The following ACTR3C variants were observed in gnomAD, a reference collection of about 807,000 sequenced individuals.
The protein encoded by ACTR3C is actin related protein 3C, also known as actin-related protein 3C.
In ACTR3C, 18 loss-of-function variants were observed where a neutral mutation model predicts 26.3. The observed-to-expected ratio is 0.68, with a 90% CI of 0.47 to 1.01. ACTR3C has a LOEUF of 1.01. ACTR3C is among the 50% of genes least tolerant of loss of function. The pLI, the probability that ACTR3C is intolerant of heterozygous loss-of-function variation, is 0.00. For synonymous variants in ACTR3C, 55 were observed against 94.5 expected (o/e 0.58, Z 2.42); for missense variants, 184 against 250.7 (o/e 0.73, Z 1.80).
chr7:150,215,750 G>A, the ACTR3C span, among the ~76,000 whole-genome samples: 8,673 of 150,640 alleles, frequency 0.058, 329 homozygotes, highest in South Asian at 0.094. Flanking sequence ...GAGTTTTTTC[G>A]GACCTGGTGG....
chr7:149,980,550 C>A, the ACTR3C span, among the ~76,000 whole-genome samples: 1 of 152,144 alleles, frequency 6.6e-6, no homozygotes, highest in African/African-American at 2.4e-5. Flanking sequence ...GCAAAACAAG[C>A]TAAATTATAT....
the ACTR3C span, among the ~76,000 whole-genome samples, chr7:149,996,582 A>AAAATAAATAAATAAAT: frequency 1.4e-3 from 215 of 148,922 alleles, no homozygotes; most frequent in Middle Eastern, 3.4e-3. Context: ...TTCTGGTAAA[A>AAAATAAATAAATAAAT]AAATAAATAA....
the ACTR3C span, among the ~76,000 whole-genome samples, chr7:149,896,395 C>T: frequency 6.6e-6 from 1 of 152,244 alleles, no homozygotes; most frequent in Admixed American, 6.5e-5. Flanking sequence ...GCATATACCA[C>T]TACCTATCAG....
At chr7:150,228,031 T>C in the ACTR3C span, among the ~76,000 whole-genome samples, 1 of 152,194 alleles carries the variant, frequency 6.6e-6, no homozygotes, top group Non-Finnish European at 1.5e-5. Flanking sequence ...TTTGTTGATA[T>C]CTACAAAAGG....
the ACTR3C span, among the ~76,000 whole-genome samples, chr7:149,908,151 CAGAG>C: frequency 2.0e-5 from 3 of 152,142 alleles, no homozygotes; most frequent in Non-Finnish European, 2.9e-5. Flanking sequence ...TGGGAGGACA[CAGAG>C]AGAAGGCAGC....
chr7:150,322,364 G>C (rs927306557), intron 1 of ACTR3C, among the ~76,000 whole-genome samples: 2 of 152,246 alleles, frequency 1.3e-5, no homozygotes, highest in African/African-American at 2.4e-5. Flanking sequence ...GATAAAACAG[G>C]TTGCAGTAAA....
the ACTR3C span, among the ~76,000 whole-genome samples, chr7:150,100,270 C>T: frequency 3.3e-5 from 5 of 151,726 alleles, no homozygotes; most frequent in African/African-American, 1.2e-4. Flanking sequence ...ACTTAGGAGA[C>T]ATCAGTCAGT....
the ACTR3C span, among the ~76,000 whole-genome samples, chr7:149,982,860 T>C: frequency 6.7e-6 from 1 of 148,566 alleles, no homozygotes; most frequent in South Asian, 2.1e-4. Context: ...TTTTCTCATT[T>C]AGATGCCTTT....
rs1163538789 is a variant in ACTR3C at position 150,261,931 on chromosome 7, T to C, written c.565-12877A>G. On this transcript the variant is annotated intron_variant, in intron 6 of 7. Coordinates refer to ENST00000683684, the MANE Select transcript of ACTR3C (RefSeq NM_001164458.2). Reference sequence around the variant, plus strand: ...ACAGTCTGAAAGCTGGTGAGATAGATGTAGAGTTGCAAAATTTTCAATTTA... The same window carrying C: ...ACAGTCTGAAAGCTGGTGAGATAGACGTAGAGTTGCAAAATTTTCAATTTA... Among the ~76,000 whole-genome samples, 1,226 of 150,960 alleles carry C rather than the reference T, an allele frequency of 8.1e-3. 2 individuals carry two copies. The highest frequency in any genetic ancestry group is 0.028 in the African/African-American group (1,169 of 41,228).
chr7:150,236,926 T>G, the ACTR3C span, among the ~76,000 whole-genome samples: 11 of 151,308 alleles, frequency 7.3e-5, no homozygotes, highest in East Asian at 2.1e-3. Context: ...TTTCAATGCA[T>G]CTCATAAAGA....
At chr7:150,250,913 G>A (rs1364275494) in intron 6 of ACTR3C, among the ~76,000 whole-genome samples, 1 of 152,180 alleles carries the variant, frequency 6.6e-6, no homozygotes, top group African/African-American at 2.4e-5. Context: ...ACTATGTGGA[G>A]AGTGCTTAAA....
chr7:149,919,331 C>G, the ACTR3C span, among the ~76,000 whole-genome samples: 1 of 151,518 alleles, frequency 6.6e-6, no homozygotes, highest in African/African-American at 2.4e-5. Context: ...ACTGCCACCT[C>G]CCGGGTTCAA....
chr7:149,995,026 T>C, the ACTR3C span, among the ~76,000 whole-genome samples: 1 of 152,032 alleles, frequency 6.6e-6, no homozygotes, highest in Non-Finnish European at 1.5e-5. Flanking sequence ...AGCTAATTTT[T>C]GTATTTTTGG....
chr7:150,120,095 G>A, the ACTR3C span, among the ~76,000 whole-genome samples: 3 of 152,132 alleles, frequency 2.0e-5, no homozygotes, highest in Non-Finnish European at 4.4e-5. Flanking sequence ...GTGTTTAGAC[G>A]GACATTTATG....
chr7:149,954,816 AGT>A, the ACTR3C span, among the ~76,000 whole-genome samples: 1 of 152,224 alleles, frequency 6.6e-6, no homozygotes, highest in African/African-American at 2.4e-5. Flanking sequence ...ACTAATAGAA[AGT>A]GTATTCTGAA....
the ACTR3C span, among the ~76,000 whole-genome samples, chr7:150,229,786 A>G: frequency 6.1e-3 from 926 of 151,212 alleles, 12 homozygotes; most frequent in African/African-American, 0.021. Flanking sequence ...GTGAGCCACT[A>G]TGCCCAGCCT....
rs1236108743 is a variant in ACTR3C at position 150,313,751 on chromosome 7, GA to G, written c.-52+9717del. On this transcript the variant is annotated intron_variant, in intron 1 of 7. Transcript: ENST00000683684. ...TTTACATTAGCTAGAAAGAGGGAGA[GA>G]GGGGGAGAGAGAGTGTGTTATGGAT... Among the ~76,000 whole-genome samples, 5 of 152,116 alleles carry G rather than the reference GA, an allele frequency of 3.3e-5. No individual in the cohort carries two copies. The South Asian group carries it at 6.2e-4, about 19-fold the overall frequency.
At chr7:150,066,932 T>C in the ACTR3C span, among the ~76,000 whole-genome samples, 4 of 152,212 alleles carry the variant, frequency 2.6e-5, no homozygotes, top group Admixed American at 2.6e-4. Flanking sequence ...TAAGGTCCTG[T>C]TGGGTTTCCA....
At chr7:150,112,784 G>C in the ACTR3C span, among the ~76,000 whole-genome samples, 12 of 152,138 alleles carry the variant, frequency 7.9e-5, no homozygotes, top group African/African-American at 2.9e-4. Context: ...GATGTTTAGG[G>C]ACTGGCTTCC....
Sources: gnomAD v4.1 joint callset for allele counts (sites outside exome capture counted in the v4.1 genomes callset) on GRCh38, gnomAD v4.1.1 for gene constraint, MANE v1.5 for transcripts, NCBI Gene and HGNC (gene_info 2026-07-23, HGNC 2026-07-21) for gene names.